Variants in SLC35F3 observed in about 807,000 individuals in gnomAD.
SLC35F3 encodes the protein solute carrier family 35 member F3, also known as putative thiamine transporter SLC35F3.
In SLC35F3, 25 loss-of-function variants were observed where a neutral mutation model predicts 49.9. The ratio of observed to expected loss-of-function variants is 0.50; its 90% CI spans 0.37 to 0.70. The LOEUF is 0.70. SLC35F3 is among the 30% of genes least tolerant of loss of function. The pLI is 0.00. For missense variants in SLC35F3, 525 were observed against 639.8 expected, an observed-to-expected ratio of 0.82 and a Z score of 1.94; for synonymous variants, 275 against 265.4, an observed-to-expected ratio of 1.04 and a Z score of -0.35.
rs998374922 is a variant in SLC35F3 at position 233,904,738 on chromosome 1, G to C, written c.-340G>C. Among the ~76,000 whole-genome samples the C allele has an allele frequency of 5.9e-5, 9 of 151,906 alleles. No homozygotes were observed. In the East Asian group the frequency reaches 1.7e-3, roughly 29 times the overall value. ...GCGCACAGCTGGGAGGGCTCTCCCGGTCGCGGCGAGACTCACGCCTGCGGT... is the reference window on the plus strand; with the variant it reads ...GCGCACAGCTGGGAGGGCTCTCCCGCTCGCGGCGAGACTCACGCCTGCGGT... On this transcript the variant is annotated 5_prime_UTR_variant, in exon 1 of 8. Transcript: ENST00000366618.
rs181792391 is a variant in SLC35F3, at chr1:233,953,949, G to A, written c.283+48191G>A. Among the ~76,000 whole-genome samples the A allele has an allele frequency of 2.0e-3, 311 of 152,024 alleles. 3 individuals carry two copies. The highest frequency in any genetic ancestry group is 6.8e-3 in the African/African-American group (284 of 41,474). On this transcript the variant is annotated intron_variant, in intron 2 of 7. Transcript: ENST00000366618. ...TCCTGACAATCATGATAGGTAATAG[G>A]CCCATTTCACTTCTTCAGTGATGGG... is the stretch of plus-strand genomic sequence containing the variant.
intron 2 of SLC35F3, among the ~76,000 whole-genome samples, chr1:234,030,851 A>G (rs761678497): frequency 6.6e-6 from 1 of 152,222 alleles, no homozygotes; most frequent in Non-Finnish European, 1.5e-5. Context: ...AGATGATTCT[A>G]ACAGTTACTC....
intron 2 of SLC35F3, among the ~76,000 whole-genome samples, chr1:234,229,344 G>T (rs1348570854): frequency 6.6e-6 from 1 of 151,362 alleles, no homozygotes; most frequent in Non-Finnish European, 1.5e-5. Context: ...AATTTTTTTT[G>T]TAATTGTTCA....
At chr1:234,061,662 G>C (rs1664542094) in intron 2 of SLC35F3, among the ~76,000 whole-genome samples, 1 of 151,568 alleles carries the variant, frequency 6.6e-6, no homozygotes, top group Admixed American at 6.6e-5. Context: ...TTGTTTCTCT[G>C]TTCTTCAGGT....
At chr1:234,021,752 T>C (rs1424342989) in intron 2 of SLC35F3, among the ~76,000 whole-genome samples, 1 of 152,212 alleles carries the variant, frequency 6.6e-6, no homozygotes, top group African/African-American at 2.4e-5. Flanking sequence ...GCTTTACTAT[T>C]CCACGCACAC....
intron 2 of SLC35F3, among the ~76,000 whole-genome samples, chr1:234,078,012 T>C (rs772356005): frequency 1.3e-5 from 2 of 152,164 alleles, no homozygotes; most frequent in Non-Finnish European, 2.9e-5. Context: ...TCACCCACTA[T>C]TCTCTCCTTG....
At chr1:234,168,477 T>A (rs1038198882) in intron 2 of SLC35F3, among the ~76,000 whole-genome samples, 2 of 152,242 alleles carry the variant, frequency 1.3e-5, no homozygotes, top group Non-Finnish European at 2.9e-5. Flanking sequence ...GACCATCCTG[T>A]AAGTGTCATT....
intron 7 of SLC35F3, among the ~76,000 whole-genome samples, chr1:234,321,690 G>A (rs1252849905): frequency 6.6e-6 from 1 of 152,168 alleles, no homozygotes; most frequent in Non-Finnish European, 1.5e-5. Context: ...AACATAAAAG[G>A]TTTAATGATG....
intron 3 of SLC35F3, among the ~76,000 whole-genome samples, chr1:234,295,207 C>G (rs906102956): frequency 3.9e-5 from 6 of 152,196 alleles, no homozygotes; most frequent in African/African-American, 9.7e-5. Context: ...CCAAGGACAG[C>G]AGGTGACATT....
intron 2 of SLC35F3, among the ~76,000 whole-genome samples, chr1:233,983,924 T>C (rs537337716): frequency 9.8e-5 from 15 of 152,320 alleles, no homozygotes; most frequent in African/African-American, 3.6e-4. Flanking sequence ...GACACCAAGA[T>C]ACAACGTTCT....
chr1:234,299,330 A>G lies in SLC35F3; in HGVS notation c.609-9771A>G, dbSNP rs184165161. ...TGGGAGAAGCCCTTGTAAACAACCA[A>G]TACTTTTAGTTGAGACCAACGAAAG... On this transcript the variant is annotated intron_variant, in intron 3 of 7. Transcript: ENST00000366618. Among the ~76,000 whole-genome samples, 721 of 152,310 alleles carry G rather than the reference A, an allele frequency of 4.7e-3. 5 individuals are homozygous for G. Among genetic ancestry groups the G allele is most frequent in the African/African-American group, 0.015 (635 of 41,558 alleles).
intron 2 of SLC35F3, among the ~76,000 whole-genome samples, chr1:234,108,184 ATATATATATAAAAGATATATATATT>A (rs1306541723): frequency 0.022 from 2,589 of 118,072 alleles, 272 homozygotes; most frequent in African/African-American, 0.074. Flanking sequence ...TGGAAGTGAG[ATATATATATAAAAGATATATATATT>A]TATATATATA....
chr1:234,209,251 T>C (rs1667017226), intron 2 of SLC35F3, among the ~76,000 whole-genome samples: 1 of 152,124 alleles, frequency 6.6e-6, no homozygotes, highest in South Asian at 2.1e-4. Flanking sequence ...GCACTTTTTT[T>C]TTGGAATGTG....
intron 2 of SLC35F3, among the ~76,000 whole-genome samples, chr1:234,149,737 T>A (rs1292309402): frequency 6.6e-6 from 1 of 152,226 alleles, no homozygotes; most frequent in East Asian, 1.9e-4. Flanking sequence ...CCAAATCCTG[T>A]GGAATCAGGA....
At chr1:234,018,224 C>G (rs12090020) in intron 2 of SLC35F3, among the ~76,000 whole-genome samples, 1 of 152,096 alleles carries the variant, frequency 6.6e-6, no homozygotes, top group South Asian at 2.1e-4. Context: ...ATACAGAATC[C>G]GTGAATAATG....
chr1:234,029,692 A>T (rs1309063255), intron 2 of SLC35F3, among the ~76,000 whole-genome samples: 2 of 151,852 alleles, frequency 1.3e-5, no homozygotes, highest in African/African-American at 2.4e-5. Context: ...GTGTTGTACC[A>T]CTCTTTAAAA....
chr1:233,960,613 G>A (rs1429575118), intron 2 of SLC35F3, among the ~76,000 whole-genome samples: 1 of 152,142 alleles, frequency 6.6e-6, no homozygotes, highest in Non-Finnish European at 1.5e-5. Flanking sequence ...CTAGTTATTA[G>A]CATAACTTTT....
At chr1:234,121,298 G>A (rs1367037211) in intron 2 of SLC35F3, among the ~76,000 whole-genome samples, 9 of 151,640 alleles carry the variant, frequency 5.9e-5, no homozygotes, top group Middle Eastern at 3.4e-3. Flanking sequence ...CACCACACCC[G>A]GCTAATTTTT....
At chr1:234,303,730 CTT>C (rs1037164482) in intron 3 of SLC35F3, among the ~76,000 whole-genome samples, 5 of 152,154 alleles carry the variant, frequency 3.3e-5, no homozygotes, top group Non-Finnish European at 7.4e-5. Flanking sequence ...TTTCCTATTT[CTT>C]GACCTTGTTT....
Sources: allele counts gnomAD v4.1 joint callset (sites outside exome capture counted in the v4.1 genomes callset), GRCh38; gene constraint gnomAD v4.1.1; transcripts MANE v1.5; gene names NCBI Gene and HGNC (gene_info 2026-07-23, HGNC 2026-07-21).